Variants in TACC3 observed in about 807,000 individuals in gnomAD.
TACC3 encodes transforming acidic coiled-coil-containing protein 3.
A neutral mutation model predicts 86.0 loss-of-function variants in TACC3; 52 were observed. The ratio of observed to expected loss-of-function variants is 0.60; its 90% CI spans 0.48 to 0.76. The LOEUF (loss-of-function observed/expected upper bound fraction) is 0.76. Ranked by LOEUF, TACC3 falls within the 30% of genes least tolerant of loss-of-function variation. The pLI is 0.00. For missense variants in TACC3, 1,120 were observed against 1,070.4 expected, an observed-to-expected ratio of 1.05 and a Z score of -0.65; for synonymous variants, 512 against 430.0, an observed-to-expected ratio of 1.19 and a Z score of -2.36.
intron 13 of TACC3, chr4:1,742,265 A>C (rs1718631909): frequency 6.6e-6 from 1 of 152,330 alleles, no homozygotes; most frequent in Non-Finnish European, 1.5e-5. Context: ...CCCAGCACAG[A>C]CGCTTGGAGA....
intron 3 of TACC3, among the ~76,000 whole-genome samples, chr4:1,727,300 G>A (rs1477929392): frequency 6.6e-6 from 1 of 152,178 alleles, no homozygotes; most frequent in East Asian, 1.9e-4. Flanking sequence ...TGCATGCTGT[G>A]GGCCTGGGGG....
chr4:1,738,259 T>G, intron 10 of TACC3: 1 of 250,286 alleles, frequency 4.0e-6, no homozygotes, highest in Non-Finnish European at 8.1e-6. Flanking sequence ...CGCCAGATGG[T>G]CCCCAGGGAG....
chr4:1,734,667 T>G (rs1323568684), intron 6 of TACC3, among the ~76,000 whole-genome samples: 1 of 152,130 alleles, frequency 6.6e-6, no homozygotes, highest in Non-Finnish European at 1.5e-5. Flanking sequence ...GTATGTGGTA[T>G]GAGGCACCTT....
rs544101337 is a variant in TACC3, at chr4:1,745,088, C to T, written c.*75C>T. The stretch of plus-strand genomic sequence containing the variant: ...GTCTGATTCTCTTAGGTGTCATGTT[C>T]TTTTTTCTGTCTTGTCTTCAACTTT... On this transcript the variant is annotated 3_prime_UTR_variant, in exon 16 of 16. Transcript: ENST00000313288. 1.5e-4 allele frequency: 215 copies of T among 1,450,268 alleles called. 3 individuals are homozygous for T. In the Middle Eastern group the frequency reaches 1.9e-3, roughly 13 times the overall value. The allele number at this position is 1,450,268 out of a possible 1,614,324, so 89.8% of individuals were successfully genotyped here.
At chr4:1,739,664 G>GGCCC in intron 10 of TACC3, 38 bp from the exon 11 acceptor site, 1 of 1,551,530 alleles carries the variant, frequency 6.4e-7, no homozygotes, top group Non-Finnish European at 8.7e-7. Context: ...GGGTCAGTCT[G>GGCCC]GCCCGCCTGC....
chr4:1,720,948 G>A (rs966407940), upstream of TACC3: 28 of 867,308 alleles, frequency 3.2e-5, no homozygotes, highest in African/African-American at 4.3e-4. This position sits in a 1 kb window ranked among gnomAD's most constrained non-coding sequence, Gnocchi z 4.4. Flanking sequence ...CCGGCCGCCC[G>A]CGGGGCACTC....
intron 9 of TACC3, 117 bp downstream of exon 9, chr4:1,737,445 G>C: frequency 8.5e-7 from 1 of 1,177,462 alleles, no homozygotes; most frequent in South Asian, 1.4e-5. Flanking sequence ...TTGGGGGCAT[G>C]GGGCCGCTGT....
rs1188632759 is a variant in TACC3 at position 1,728,656 on chromosome 4, C to A, written c.1254C>A (p.Phe418Leu). The change falls in exon 4 of 16, where the codon TTC (phenylalanine) becomes TTA (leucine). Residue 418 changes from phenylalanine (F) to leucine (L), a missense_variant. Coordinates refer to ENST00000313288, the MANE Select transcript of TACC3 (RefSeq NM_006342.3). The part of the protein sequence containing the change: ...DKMDDPNFIP[F>L]GGDTKSGCSE... ...TGGATGACCCAAACTTCATCCCGTTCGGAGGTGACACCAAGTCTGGTTGCA... is the reference window on the plus strand; with the variant it reads ...TGGATGACCCAAACTTCATCCCGTTAGGAGGTGACACCAAGTCTGGTTGCA... The A allele has an allele frequency of 6.2e-7, 1 of 1,613,846 alleles. No homozygotes were observed. The highest frequency in any genetic ancestry group is 1.7e-5 in the Admixed American group (1 of 60,032).
rs769494761 is a variant in TACC3, at chr4:1,731,255, G to GAC, written c.1545_1546insAC (p.Pro516ThrfsTer6). ...CAGTGCCCACCCATCAGCAGGGGCA[G>GAC]CCTGCCTTGGAGCTGAAAGAGGAGA... On this transcript the variant is annotated frameshift_variant, in exon 6 of 16. Transcript: ENST00000313288. LOFTEE classifies it high-confidence loss of function. The GAC allele has an allele frequency of 6.2e-7, 1 of 1,613,394 alleles. No homozygotes were observed. The highest frequency in any genetic ancestry group is 1.1e-5 in the South Asian group (1 of 91,088).
intron 6 of TACC3, among the ~76,000 whole-genome samples, chr4:1,733,256 A>G (rs1267268469): frequency 6.6e-6 from 1 of 152,166 alleles, no homozygotes; most frequent in African/African-American, 2.4e-5. Context: ...CCATTGAGCC[A>G]CTTATGTTTT....
At chr4:1,723,680 A>G in intron 2 of TACC3, 48 bp from the exon 3 acceptor site, 1 of 1,612,944 alleles carries the variant, frequency 6.2e-7, no homozygotes, top group Non-Finnish European at 8.5e-7. Context: ...GTGTGGCTGT[A>G]ACAGCTTGAA....
chr4:1,729,197 G>T (rs1007197), intron 4 of TACC3, among the ~76,000 whole-genome samples: 2,924 of 152,256 alleles, frequency 0.019, 114 homozygotes, highest in African/African-American at 0.066. Context: ...CCGTGGGTCT[G>T]CTGCCTCCTG....
Position 1,723,469 on chromosome 4 carries a change from T to A in TACC3, c.48T>A (p.Asn16Lys). 6.2e-7 allele frequency: 1 copy of A among 1,613,548 alleles called. No homozygotes were observed. Residue 16 changes from asparagine (N) to lysine (K), a missense_variant, in exon 2 of 16, where the codon AAT becomes AAA. Transcript: ENST00000313288. ...ACAAAAATGTCAGCAATGAAAAAAATACAGAAAATTGCGACTTCCTGTTTT... is the reference window on the plus strand; with the variant it reads ...ACAAAAATGTCAGCAATGAAAAAAAAACAGAAAATTGCGACTTCCTGTTTT... ...LNDKNVSNEK[N>K]TENCDFLFSP...
intron 12 of TACC3, 45 bp downstream of exon 12, chr4:1,740,047 G>T: frequency 6.3e-7 from 1 of 1,599,160 alleles, no homozygotes. Flanking sequence ...ACGAGGGGCT[G>T]CCTATGCCCC....
chr4:1,722,141 A>G (rs1475046251), intron 1 of TACC3, among the ~76,000 whole-genome samples: 1 of 151,994 alleles, frequency 6.6e-6, no homozygotes, highest in Non-Finnish European at 1.5e-5. Flanking sequence ...CTTGTGCACC[A>G]GAGTAGCACC....
chr4:1,725,213 T>C (rs1717626952), intron 3 of TACC3, among the ~76,000 whole-genome samples: 1 of 152,206 alleles, frequency 6.6e-6, no homozygotes. Context: ...ATTACAGGCA[T>C]GAGCCACCAC....
Position 1,744,568 on chromosome 4 carries a change from C to T in TACC3, c.2274C>T (p.Thr758=), listed in dbSNP as rs12512959. The change falls in exon 14 of 16, where the codon ACC becomes ACT. Residue 758 remains threonine (T), a synonymous_variant. Coordinates refer to ENST00000313288, the MANE Select transcript of TACC3 (RefSeq NM_006342.3). Reference sequence around the variant, plus strand: ...TGGAGGATTACCTGGCAAGGATCACCCAGGAGGGCCAGAGGTACCAAGCCC... The same window carrying T: ...TGGAGGATTACCTGGCAAGGATCACTCAGGAGGGCCAGAGGTACCAAGCCC... ...KCVEDYLARI[T]QEGQRYQALK... 1.2e-6 allele frequency: 2 copies of T among 1,613,236 alleles called. No individual in the cohort carries two copies. Among genetic ancestry groups the T allele is most frequent in the African/African-American group, 1.3e-5 (1 of 75,046 alleles).
intron 13 of TACC3, among the ~76,000 whole-genome samples, chr4:1,743,618 A>G (rs9990541): frequency 0.4 from 60,369 of 151,950 alleles, 12,390 homozygotes; most frequent in Non-Finnish European, 0.46. Flanking sequence ...AGTTAACAAC[A>G]TTAACAATTC....
At chr4:1,737,789 CCCG>C (rs1209904472) in intron 10 of TACC3, 87 bp downstream of exon 10, 13 of 1,176,546 alleles carry the variant, frequency 1.1e-5, no homozygotes, top group East Asian at 5.5e-5. Context: ...AACAGCCTGA[CCCG>C]CCATCCCTGC....
Sources: gnomAD v4.1 joint callset for allele counts (sites outside exome capture counted in the v4.1 genomes callset) on GRCh38, gnomAD v4.1.1 for gene constraint, Gnocchi (gnomAD v3.1) non-coding constraint, MANE v1.5 for transcripts, NCBI Gene and HGNC (gene_info 2026-07-23, HGNC 2026-07-21) for gene names.